BMP2K: variants seen among roughly 807,000 people sequenced by gnomAD.
The protein encoded by BMP2K is BMP2 inducible kinase, also known as BMP-2-inducible protein kinase.
A neutral mutation model predicts 116.0 loss-of-function variants in BMP2K; 74 were observed. The observed-to-expected ratio is 0.64, with a 90% CI of 0.53 to 0.77. The LOEUF (loss-of-function observed/expected upper bound fraction) is 0.77, where lower values mean the gene tolerates loss of function less well. Ranked by LOEUF, BMP2K falls within the 30% of genes least tolerant of loss-of-function variation. The probability of loss-of-function intolerance (pLI) is 0.00; values close to 1 mark genes in which losing one functional copy is unlikely to be tolerated. For missense variants in BMP2K, 1,365 were observed against 1,403.6 expected (o/e 0.97, Z 0.44); for synonymous variants, 486 against 502.5 (o/e 0.97, Z 0.44).
Position 78,911,468 on chromosome 4 carries a change from G to T in BMP2K, c.2921G>T (p.Ser974Ile), listed in dbSNP as rs761579635. 54 of 1,613,912 alleles carry T rather than the reference G, an allele frequency of 3.3e-5. No individual in the cohort carries two copies. Among genetic ancestry groups the T allele is most frequent in the Non-Finnish European group, 4.3e-5 (51 of 1,179,914 alleles). Reference protein sequence around the residue: ...GSQQQKVKQRSLQKLSSRQRR... With the variant: ...GSQQQKVKQRILQKLSSRQRR... ...CAGCAGCAAAAAGTCAAACAGCGCA[G>T]CTTACAGAAACTGTCCTCTCGCCAA... Residue 974 changes from serine (S) to isoleucine (I), a missense_variant, in exon 16 of 16, where the codon AGC becomes ATC. Physicochemically the swap from Ser to Ile is moderately radical, Grantham distance 142 (BLOSUM62 -2). Coordinates refer to ENST00000502613, the MANE Select transcript of BMP2K (RefSeq NM_198892.2).
chr4:78,849,404 A>C (rs968667429), intron 6 of BMP2K, among the ~76,000 whole-genome samples: 2 of 151,522 alleles, frequency 1.3e-5, no homozygotes, highest in African/African-American at 2.4e-5. Flanking sequence ...ATTTAGATTT[A>C]TATATTTTTA....
chr4:78,848,062 C>T (rs1293514364), intron 6 of BMP2K, among the ~76,000 whole-genome samples: 3 of 151,460 alleles, frequency 2.0e-5, no homozygotes, highest in Non-Finnish European at 3.0e-5. Context: ...TGTGTAGAAA[C>T]CAAATGAATA....
At chr4:78,903,041 A>G (rs750454219) in intron 15 of BMP2K, among the ~76,000 whole-genome samples, 3 of 152,064 alleles carry the variant, frequency 2.0e-5, no homozygotes, top group Non-Finnish European at 4.4e-5. Context: ...TTTTGAGTTT[A>G]GAATCCTTGT....
chr4:78,872,040 C>G (rs1732384762), intron 12 of BMP2K, 92 bp downstream of exon 12: 5 of 927,416 alleles, frequency 5.4e-6, no homozygotes, highest in Non-Finnish European at 4.9e-6. Flanking sequence ...TTTAGTAATT[C>G]AAAATCAAGT....
intron 1 of BMP2K, among the ~76,000 whole-genome samples, chr4:78,784,455 T>G (rs936627302): frequency 2.6e-5 from 4 of 152,258 alleles, no homozygotes; most frequent in Non-Finnish European, 5.9e-5. Flanking sequence ...GGTTAATGAC[T>G]GAGCTGTTTT....
At chr4:78,898,133 A>G (rs1577972279) in intron 15 of BMP2K, among the ~76,000 whole-genome samples, 3 of 152,180 alleles carry the variant, frequency 2.0e-5, no homozygotes, top group African/African-American at 7.2e-5. Context: ...TTCTAAGACA[A>G]TTCAGTATGT....
chr4:78,812,489 A>G (rs1729139054), intron 1 of BMP2K, among the ~76,000 whole-genome samples: 1 of 152,178 alleles, frequency 6.6e-6, no homozygotes, highest in African/African-American at 2.4e-5. Flanking sequence ...TGGTATGTCC[A>G]AAACTGTGCT....
chr4:78,911,219 A>G lies in BMP2K; in HGVS notation c.2672A>G (p.Glu891Gly), dbSNP rs1734576633. Residue 891 changes from glutamate to glycine, a missense_variant, in exon 16 of 16, where the codon GAG becomes GGG. Coordinates refer to ENST00000502613, the MANE Select transcript of BMP2K (RefSeq NM_198892.2). ...CACAGGTTTCCTGCTGCAGGACTGG[A>G]GCAGGAGGAATTTGATGTATTCACA... ...PQHRFPAAGL[E>G]QEEFDVFTKA... is the part of the protein sequence containing the mutation. 1 of 1,613,860 alleles carries G rather than the reference A, an allele frequency of 6.2e-7. No individual in the cohort carries two copies. The highest frequency in any genetic ancestry group is 8.5e-7 in the Non-Finnish European group (1 of 1,179,870).
chr4:78,776,718 G>C lies in BMP2K; in HGVS notation c.175G>C (p.Glu59Gln). The change falls in exon 1 of 16, where the codon GAA becomes CAA. Residue 59 changes from glutamate (E) to glutamine (Q), a missense_variant. Around this residue, in one of 3 missense-constraint regions of BMP2K, gnomAD observed 762 missense variants for 756.7 expected, o/e 1.01. Transcript: ENST00000502613. ...HQVTLEESLA[E>Q]GGFSTVFLVR... ...GGTCACCCTGGAAGAGTCGCTGGCC[G>C]AAGGTACGGGCGCCCGGGGAGGCTC... 2 of 1,267,476 alleles carry C rather than the reference G, an allele frequency of 1.6e-6. No individual in the cohort carries two copies. The highest frequency in any genetic ancestry group is 1.5e-5 in the African/African-American group (1 of 65,654). The allele number at this position is 1,267,476 out of a possible 1,614,324, so 78.5% of individuals were successfully genotyped here.
At chr4:78,884,153 G>A (rs149511027) in intron 14 of BMP2K, among the ~76,000 whole-genome samples, 1 of 151,916 alleles carries the variant, frequency 6.6e-6, no homozygotes, top group East Asian at 1.9e-4. Flanking sequence ...GCAACATAGA[G>A]CTTATCTCTA....
chr4:78,880,238 A>C (rs1056689471), intron 14 of BMP2K, among the ~76,000 whole-genome samples: 5 of 152,066 alleles, frequency 3.3e-5, no homozygotes, highest in Non-Finnish European at 7.4e-5. Context: ...ACGCCCAGCG[A>C]ATTTTGTATT....
At chr4:78,901,854 T>C (rs1734025009) in intron 15 of BMP2K, among the ~76,000 whole-genome samples, 1 of 152,218 alleles carries the variant, frequency 6.6e-6, no homozygotes, top group African/African-American at 2.4e-5. Context: ...TTAGATTTCT[T>C]ATATTGCATT....
chr4:78,820,386 T>G (rs1729558267), intron 1 of BMP2K, among the ~76,000 whole-genome samples: 1 of 152,206 alleles, frequency 6.6e-6, no homozygotes, highest in Non-Finnish European at 1.5e-5. Context: ...ATGATGAGCC[T>G]TGATGTGGAT....
chr4:78,869,185 C>T (rs971601306), intron 10 of BMP2K, among the ~76,000 whole-genome samples: 1 of 152,192 alleles, frequency 6.6e-6, no homozygotes. Flanking sequence ...CAGTTCTTGA[C>T]TTCTGTGCAC....
chr4:78,812,935 T>C (rs1287327709), intron 1 of BMP2K, among the ~76,000 whole-genome samples: 2 of 152,066 alleles, frequency 1.3e-5, no homozygotes, highest in Non-Finnish European at 2.9e-5. Context: ...TTCCAGCTAT[T>C]TGGGAGGCTG....
intron 1 of BMP2K, among the ~76,000 whole-genome samples, chr4:78,811,127 C>T (rs945042204): frequency 2.0e-5 from 3 of 152,150 alleles, no homozygotes; most frequent in Non-Finnish European, 4.4e-5. Context: ...GTGCCTTAAA[C>T]GTAACTCTTT....
intron 15 of BMP2K, among the ~76,000 whole-genome samples, chr4:78,910,317 A>C (rs1734518604): frequency 6.6e-6 from 1 of 152,178 alleles, no homozygotes; most frequent in African/African-American, 2.4e-5. Flanking sequence ...AAAATTTGCT[A>C]GTCTACTACA....
chr4:78,910,108 A>T (rs1310262728), intron 15 of BMP2K, among the ~76,000 whole-genome samples: 1 of 152,212 alleles, frequency 6.6e-6, no homozygotes, highest in Non-Finnish European at 1.5e-5. Flanking sequence ...TTCAAAAGAT[A>T]GTGGTTTATA....
intron 1 of BMP2K, among the ~76,000 whole-genome samples, chr4:78,801,832 T>C (rs919648131): frequency 6.6e-6 from 1 of 152,188 alleles, no homozygotes; most frequent in Admixed American, 6.6e-5. Flanking sequence ...TCTTATGATA[T>C]GACATTGTTT....
Sources: allele counts gnomAD v4.1 joint callset (sites outside exome capture counted in the v4.1 genomes callset), GRCh38; gene constraint gnomAD v4.1.1; regional missense constraint gnomAD v4.1.1; transcripts MANE v1.5; gene names NCBI Gene and HGNC (gene_info 2026-07-23, HGNC 2026-07-21).